Variants in FKBP8 observed in about 807,000 individuals in gnomAD.
The protein encoded by FKBP8 is FKBP prolyl isomerase 8.
In FKBP8, 5 loss-of-function variants were observed where a neutral mutation model predicts 41.7. The ratio of observed to expected loss-of-function variants is 0.12; its 90% CI spans 0.06 to 0.25. The LOEUF (loss-of-function observed/expected upper bound fraction) is 0.25, where lower values mean the gene tolerates loss of function less well. Ranked by LOEUF, FKBP8 falls within the 10% of genes least tolerant of loss-of-function variation. FKBP8 has a pLI of 1.00. For synonymous variants in FKBP8, 279 were observed against 254.5 expected (o/e 1.10, Z -0.92); for missense variants, 397 against 563.0 (o/e 0.71, Z 2.98).
chr19:18,540,977 ATTG>A (rs1278855294), intron 2 of FKBP8, among the ~76,000 whole-genome samples: 1 of 152,114 alleles, frequency 6.6e-6, no homozygotes. Context: ...TTGCTACAGT[ATTG>A]TTATTACAAT....
At chr19:18,533,129 G>T in intron 7 of FKBP8, 141 bp downstream of exon 7, 1 of 812,302 alleles carries the variant, frequency 1.2e-6, no homozygotes, top group Non-Finnish European at 1.9e-6. Context: ...TTCACAAGCT[G>T]ACCAGGACCC....
At chr19:18,534,308 A>AAAAC (rs919895615) in intron 6 of FKBP8, among the ~76,000 whole-genome samples, 99 of 152,276 alleles carry the variant, frequency 6.5e-4, no homozygotes, top group African/African-American at 2.3e-3. Context: ...CTCCGTCTCA[A>AAAAC]AAACAAACAA....
At chr19:18,536,540 G>A (rs1382451276) in intron 6 of FKBP8, among the ~76,000 whole-genome samples, 1 of 152,142 alleles carries the variant, frequency 6.6e-6, no homozygotes, top group Non-Finnish European at 1.5e-5. Context: ...TTTGGGTAGA[G>A]AAGGGGGTCT....
intron 2 of FKBP8, among the ~76,000 whole-genome samples, chr19:18,540,605 C>T (rs1470141263): frequency 6.6e-6 from 1 of 152,038 alleles, no homozygotes; most frequent in African/African-American, 2.4e-5. Context: ...GGTGTGCTGG[C>T]TCACACCTGT....
intron 6 of FKBP8, among the ~76,000 whole-genome samples, chr19:18,534,577 G>GT (rs369581961): frequency 1.9e-4 from 27 of 139,432 alleles, no homozygotes; most frequent in Middle Eastern, 3.9e-3. Flanking sequence ...AGAGGTTGTT[G>GT]TTTTTTTTTT....
At chr19:18,534,745 C>T (rs1426278199) in intron 6 of FKBP8, among the ~76,000 whole-genome samples, 4 of 151,082 alleles carry the variant, frequency 2.6e-5, no homozygotes, top group Admixed American at 6.6e-5. Context: ...CCATGTCCAA[C>T]GAATTATTTA....
At chr19:18,533,094 T>G (rs1976486243) in intron 7 of FKBP8, 176 bp downstream of exon 7, 1 of 685,602 alleles carries the variant, frequency 1.5e-6, no homozygotes, top group African/African-American at 1.8e-5. Flanking sequence ...GAGCCCAGAC[T>G]GCCTGTGTGG....
rs1296914602 is a variant in FKBP8 at position 18,537,134 on chromosome 19, T to C, written c.945+467A>G. 6.6e-6 allele frequency among the ~76,000 whole-genome samples: 1 copy of C among 151,726 alleles called. No individual in the cohort carries two copies. Among genetic ancestry groups the C allele is most frequent in the South Asian group, 2.1e-4 (1 of 4,804 alleles). On this transcript the variant is annotated intron_variant, in intron 6 of 8. Transcript: ENST00000608443. This position sits in a 1 kb window ranked among gnomAD's most constrained non-coding sequence, Gnocchi z 4.4. ...CGGGCAGATCACTTGAGGTCAGGAGTTCGAGACCAGCCTGGCCAATATGGC... is the reference window on the plus strand; with the variant it reads ...CGGGCAGATCACTTGAGGTCAGGAGCTCGAGACCAGCCTGGCCAATATGGC...
At position 18,531,995 on chromosome 19, in the gene FKBP8, C is replaced by G; in HGVS notation, c.*174G>C. 1.6e-6 allele frequency: 1 copy of G among 625,974 alleles called. No individual in the cohort carries two copies. Among genetic ancestry groups the G allele is most frequent in the Non-Finnish European group, 2.9e-6 (1 of 346,488 alleles). 38.8% of individuals were successfully genotyped at this position (625,974 alleles called of 1,614,324 possible). On this transcript the variant is annotated 3_prime_UTR_variant, in exon 9 of 9. Coordinates refer to ENST00000608443, the MANE Select transcript of FKBP8 (RefSeq NM_012181.5). ...GGGCCCCCTCCCTCTGGGCTTTCCT[C>G]CTAGAGGGCCTCAGTCCCTCCTGCT...
At chr19:18,535,739 A>AG (rs1976558559) in intron 6 of FKBP8, among the ~76,000 whole-genome samples, 2 of 140,074 alleles carry the variant, frequency 1.4e-5, no homozygotes, top group South Asian at 2.4e-4. Context: ...AAAAAAAAAA[A>AG]GGAGGGGGTA....
At chr19:18,534,261 C>T (rs1479152158) in intron 6 of FKBP8, among the ~76,000 whole-genome samples, 1 of 152,092 alleles carries the variant, frequency 6.6e-6, no homozygotes, top group East Asian at 1.9e-4. Context: ...GAGCCGAGAT[C>T]ACGCCACTGC....
rs1271060554 is a variant in FKBP8 at position 18,537,392 on chromosome 19, C to G, written c.945+209G>C. 6.6e-6 allele frequency among the ~76,000 whole-genome samples: 1 copy of G among 152,128 alleles called. No homozygotes were observed. Among genetic ancestry groups the G allele is most frequent in the Non-Finnish European group, 1.5e-5 (1 of 68,024 alleles). On this transcript the variant is annotated intron_variant, in intron 6 of 8. Transcript: ENST00000608443. This position sits in a 1 kb window ranked among gnomAD's most constrained non-coding sequence, Gnocchi z 4.4. ...AAACACTGGGCCAAAGGTTGGGGACCCAAGACTCGAGGATCAAATTCTGGC... is the reference window on the plus strand; with the variant it reads ...AAACACTGGGCCAAAGGTTGGGGACGCAAGACTCGAGGATCAAATTCTGGC...
rs1322141609 is a variant in FKBP8, at chr19:18,533,139, C to CT, written c.1023+130dup. ...GGGTCTTCACAAGCTGACCAGGACC[C>CT]TTCAGGTACCTACTCCGTGCCACTG... On this transcript the variant is annotated intron_variant, in intron 7 of 8. Transcript: ENST00000608443. 3 of 865,856 alleles carry CT rather than the reference C, an allele frequency of 3.5e-6. No individual in the cohort carries two copies. In the Admixed American group the frequency reaches 8.6e-5, roughly 25 times the overall value. 53.6% of individuals were successfully genotyped at this position (865,856 alleles called of 1,614,324 possible).
At chr19:18,535,164 C>T (rs958556322) in intron 6 of FKBP8, among the ~76,000 whole-genome samples, 3 of 152,178 alleles carry the variant, frequency 2.0e-5, no homozygotes, top group African/African-American at 7.2e-5. Context: ...AACCAATCCA[C>T]CTGCCTCGGT....
intron 2 of FKBP8, among the ~76,000 whole-genome samples, chr19:18,540,154 A>G (rs943974245): frequency 2.0e-5 from 3 of 152,170 alleles, no homozygotes; most frequent in Non-Finnish European, 4.4e-5. Flanking sequence ...CAAAGCTCAG[A>G]GAGGACAAAC....
chr19:18,534,945 C>T (rs1325699114), intron 6 of FKBP8, among the ~76,000 whole-genome samples: 2 of 151,910 alleles, frequency 1.3e-5, no homozygotes, highest in South Asian at 2.1e-4. Context: ...CTACCACCAC[C>T]GGCTAATTTT....
chr19:18,534,094 A>T (rs1976515484), intron 6 of FKBP8, among the ~76,000 whole-genome samples: 1 of 151,400 alleles, frequency 6.6e-6, no homozygotes, highest in Non-Finnish European at 1.5e-5. Flanking sequence ...TCAAGAGGTC[A>T]GGACGTCAAG....
At chr19:18,540,801 G>A (rs927187591) in intron 2 of FKBP8, among the ~76,000 whole-genome samples, 6 of 151,992 alleles carry the variant, frequency 3.9e-5, no homozygotes, top group African/African-American at 1.5e-4. Context: ...GAACCTGGGA[G>A]GCGGAGGTTG....
In FKBP8 at chr19:18,537,911, G is replaced by A. The variant is rs1976616339; in HGVS notation, c.773-138C>T. ...CGGACCAAGGGCCACGCTTTCCTGG[G>A]GCTCTCCTGAGGAAGCTACAAGATG... On this transcript the variant is annotated intron_variant, in intron 5 of 8. Transcript: ENST00000608443. This position sits in a 1 kb window ranked among gnomAD's most constrained non-coding sequence, Gnocchi z 4.4. 4 of 935,566 alleles carry A rather than the reference G, an allele frequency of 4.3e-6. No individual in the cohort carries two copies. Among genetic ancestry groups the A allele is most frequent in the Non-Finnish European group, 6.3e-6 (4 of 634,374 alleles). 58.0% of individuals were successfully genotyped at this position (935,566 alleles called of 1,614,324 possible).
Sources: allele counts gnomAD v4.1 joint callset (sites outside exome capture counted in the v4.1 genomes callset), GRCh38; gene constraint gnomAD v4.1.1; non-coding constraint Gnocchi (gnomAD v3.1); transcripts MANE v1.5; gene names NCBI Gene and HGNC (gene_info 2026-07-23, HGNC 2026-07-21).